Variants in NEMP2 observed in about 807,000 individuals in gnomAD.
NEMP2 encodes nuclear envelope integral membrane protein 2.
Under a neutral mutation model 54.2 loss-of-function variants are expected in NEMP2, and 53 were observed. The observed-to-expected ratio is 0.98, with a 90% CI of 0.78 to 1.23. The LOEUF (loss-of-function observed/expected upper bound fraction) is 1.23. Ranked by LOEUF, NEMP2 falls within the 50% of genes most tolerant of loss-of-function variation. NEMP2 has a pLI of 0.00. For missense variants in NEMP2, 455 were observed against 511.3 expected (o/e 0.89, Z 1.06); for synonymous variants, 197 against 190.3 (o/e 1.04, Z -0.29).
At chr2:190,489,639 C>A in the NEMP2 span, 1 of 802,752 alleles carries the variant, frequency 1.2e-6, no homozygotes, top group South Asian at 1.8e-5. The surrounding 1 kb of genome is among the most constrained non-coding windows in gnomAD (Gnocchi z 6.6). Flanking sequence ...AGCTAATACC[C>A]AACTACTTTT....
chr2:190,556,422 A>T, the NEMP2 span, among the ~76,000 whole-genome samples: 1 of 152,230 alleles, frequency 6.6e-6, no homozygotes, highest in Admixed American at 6.5e-5. Flanking sequence ...CCGGCACAAG[A>T]CATGGATGCC....
the NEMP2 span, among the ~76,000 whole-genome samples, chr2:190,554,120 G>A: frequency 5.3e-5 from 8 of 152,158 alleles, no homozygotes; most frequent in Admixed American, 6.5e-5. The surrounding 1 kb of genome is among the most constrained non-coding windows in gnomAD (Gnocchi z 5.7). Context: ...CATGCACTCC[G>A]GCCCAGATAC....
the NEMP2 span, among the ~76,000 whole-genome samples, chr2:190,481,907 C>T: frequency 6.6e-6 from 1 of 152,220 alleles, no homozygotes; most frequent in African/African-American, 2.4e-5. Context: ...CTGTTAGTAG[C>T]CCCAACTCTG....
the NEMP2 span, among the ~76,000 whole-genome samples, chr2:190,556,299 C>A: frequency 1.1e-4 from 17 of 152,138 alleles, no homozygotes; most frequent in African/African-American, 4.1e-4. Flanking sequence ...TAAAAACTCT[C>A]AATAAACTAG....
At chr2:190,648,609 A>C in the NEMP2 span, 1 of 146,670 alleles carries the variant, frequency 6.8e-6, no homozygotes, top group Admixed American at 6.8e-5. Context: ...GGAACCTCAC[A>C]CATAATTTTT....
the NEMP2 span, among the ~76,000 whole-genome samples, chr2:190,572,039 G>A: frequency 2.0e-5 from 3 of 152,004 alleles, no homozygotes; most frequent in Admixed American, 2.0e-4. Flanking sequence ...GCCCAAATTG[G>A]GGCCATTCAA....
the NEMP2 span, among the ~76,000 whole-genome samples, chr2:190,580,806 G>A: frequency 6.6e-6 from 1 of 152,328 alleles, no homozygotes; most frequent in East Asian, 1.9e-4. This position sits in a 1 kb window ranked among gnomAD's most constrained non-coding sequence, Gnocchi z 5.3. Context: ...TGTTGGGAAG[G>A]ATTGTAAGAA....
At chr2:190,485,868 T>C in the NEMP2 span, among the ~76,000 whole-genome samples, 1 of 152,188 alleles carries the variant, frequency 6.6e-6, no homozygotes, top group Non-Finnish European at 1.5e-5. The surrounding 1 kb of genome is among the most constrained non-coding windows in gnomAD (Gnocchi z 5.1). Flanking sequence ...AAAGTTATTT[T>C]AATGTTTCTT....
chr2:190,549,359 G>T, the NEMP2 span, among the ~76,000 whole-genome samples: 2 of 152,156 alleles, frequency 1.3e-5, no homozygotes, highest in Non-Finnish European at 2.9e-5. Context: ...CTCAAATTCC[G>T]TGATTTCTTT....
the NEMP2 span, among the ~76,000 whole-genome samples, chr2:190,438,520 A>C: frequency 0.01 from 1,584 of 152,304 alleles, 32 homozygotes; most frequent in African/African-American, 0.035. The surrounding 1 kb of genome is among the most constrained non-coding windows in gnomAD (Gnocchi z 5.2). Context: ...CATCTAAAAA[A>C]AGAGAACACC....
At chr2:190,635,120 C>T in the NEMP2 span, among the ~76,000 whole-genome samples, 11 of 152,364 alleles carry the variant, frequency 7.2e-5, no homozygotes, top group Non-Finnish European at 1.3e-4. The surrounding 1 kb of genome is among the most constrained non-coding windows in gnomAD (Gnocchi z 4.1). Flanking sequence ...AGTGTACTTA[C>T]AGGCTACCAT....
chr2:190,536,811 G>C (rs1326560379), upstream of NEMP2, among the ~76,000 whole-genome samples: 1 of 152,210 alleles, frequency 6.6e-6, no homozygotes, highest in African/African-American at 2.4e-5. Flanking sequence ...CTGTGGTACA[G>C]AGTGAAGGCA....
At chr2:190,625,815 T>C in the NEMP2 span, 1 of 152,352 alleles carries the variant, frequency 6.6e-6, no homozygotes, top group East Asian at 1.9e-4. Flanking sequence ...TTCTGACACA[T>C]GGCCAAATAA....
the NEMP2 span, among the ~76,000 whole-genome samples, chr2:190,635,313 C>T: frequency 6.6e-6 from 1 of 152,196 alleles, no homozygotes; most frequent in Non-Finnish European, 1.5e-5. The surrounding 1 kb of genome is among the most constrained non-coding windows in gnomAD (Gnocchi z 4.1). Context: ...AACTCTTGGG[C>T]TCAAGGAATC....
the NEMP2 span, among the ~76,000 whole-genome samples, chr2:190,461,299 T>C: frequency 2.0e-5 from 3 of 152,198 alleles, no homozygotes; most frequent in Non-Finnish European, 4.4e-5. This position sits in a 1 kb window ranked among gnomAD's most constrained non-coding sequence, Gnocchi z 5.5. Context: ...AGACATGCAC[T>C]TGGAAAAACA....
At chr2:190,611,022 C>G in the NEMP2 span, 1 of 152,166 alleles carries the variant, frequency 6.6e-6, no homozygotes, top group African/African-American at 2.4e-5. This position sits in a 1 kb window ranked among gnomAD's most constrained non-coding sequence, Gnocchi z 5.4. Context: ...CCTGTTAGAG[C>G]TTTATAGCTG....
chr2:190,483,936 G>T, the NEMP2 span, among the ~76,000 whole-genome samples: 1 of 151,516 alleles, frequency 6.6e-6, no homozygotes, highest in African/African-American at 2.4e-5. Flanking sequence ...CCCAAGTAAA[G>T]TCTTGGCAGT....
chr2:190,555,377 C>G, the NEMP2 span, among the ~76,000 whole-genome samples: 1 of 151,900 alleles, frequency 6.6e-6, no homozygotes, highest in African/African-American at 2.4e-5. This position sits in a 1 kb window ranked among gnomAD's most constrained non-coding sequence, Gnocchi z 4.8. Flanking sequence ...CTCCTTCGAG[C>G]TAAAGGAGCA....
the NEMP2 span, among the ~76,000 whole-genome samples, chr2:190,437,865 T>G: frequency 3.8e-4 from 58 of 152,302 alleles, no homozygotes; most frequent in Non-Finnish European, 6.3e-4. The surrounding 1 kb of genome is among the most constrained non-coding windows in gnomAD (Gnocchi z 5.9). Context: ...TTTTCAGGTA[T>G]AGGAACACCA....
Sources: allele counts gnomAD v4.1 joint callset (sites outside exome capture counted in the v4.1 genomes callset), GRCh38; gene constraint gnomAD v4.1.1; non-coding constraint Gnocchi (gnomAD v3.1); transcripts MANE v1.5; gene names NCBI Gene and HGNC (gene_info 2026-07-23, HGNC 2026-07-21).